The following ZNF451 variants were observed in gnomAD, a reference collection of about 807,000 sequenced individuals.
ZNF451 encodes the protein zinc finger protein 451.
Under a neutral mutation model 107.1 loss-of-function variants are expected in ZNF451, and 80 were observed. That is an observed-to-expected ratio of 0.75 (90% CI 0.62 to 0.90). ZNF451 has a LOEUF of 0.90. Among genes scored for constraint, ZNF451 ranks in the 40% least tolerant of loss-of-function variants. The pLI, the probability that ZNF451 is intolerant of heterozygous loss-of-function variation, is 0.00. For synonymous variants in ZNF451, 362 were observed against 406.5 expected (o/e 0.89, Z 1.32); for missense variants, 1,107 against 1,236.2 (o/e 0.90, Z 1.57).
chr6:57,155,578 CT>C (rs1021672555), intron 13 of ZNF451, among the ~76,000 whole-genome samples: 5 of 152,156 alleles, frequency 3.3e-5, no homozygotes, highest in African/African-American at 7.2e-5. Context: ...AAAGTTTTAC[CT>C]TTGCCGCACA....
intron 8 of ZNF451, 70 bp downstream of exon 8, chr6:57,141,525 A>G (rs551694239): frequency 2.9e-6 from 4 of 1,380,830 alleles, no homozygotes; most frequent in Non-Finnish European, 3.9e-6. Flanking sequence ...TACTTCTCAG[A>G]TCATTCTTGA....
At chr6:57,139,520 T>C (rs1831645900) in intron 7 of ZNF451, among the ~76,000 whole-genome samples, 1 of 152,218 alleles carries the variant, frequency 6.6e-6, no homozygotes, top group African/African-American at 2.4e-5. Flanking sequence ...CTGATGGTTC[T>C]AGTGTTAATG....
chr6:57,134,913 G>C, intron 7 of ZNF451, 43 bp downstream of exon 7: 1 of 1,548,304 alleles, frequency 6.5e-7, no homozygotes, highest in Non-Finnish European at 8.8e-7. Context: ...TTTCTAGATA[G>C]CCATGGAGTT....
At chr6:57,139,474 T>A (rs1257564429) in intron 7 of ZNF451, among the ~76,000 whole-genome samples, 3 of 152,196 alleles carry the variant, frequency 2.0e-5, no homozygotes, top group African/African-American at 7.2e-5. Flanking sequence ...TTTATCTCTC[T>A]TCTGGTTGCA....
At chr6:57,107,196 G>A in intron 3 of ZNF451, 1 of 985,286 alleles carries the variant, frequency 1.0e-6, no homozygotes, top group Non-Finnish European at 1.2e-6. Context: ...GTTATTCTAT[G>A]TATTGATCTT....
chr6:57,115,785 T>C (rs1830337515), intron 3 of ZNF451, among the ~76,000 whole-genome samples: 1 of 152,132 alleles, frequency 6.6e-6, no homozygotes, highest in Non-Finnish European at 1.5e-5. Flanking sequence ...TTCCTGTGCT[T>C]CTCCCCAACA....
intron 2 of ZNF451, chr6:57,091,580 T>G (rs147937227): frequency 0.012 from 1,851 of 153,288 alleles, 20 homozygotes; most frequent in African/African-American, 0.014. Context: ...GCACACTTTG[T>G]ACAGCATGGG....
intron 13 of ZNF451, 111 bp from the exon 14 acceptor site, chr6:57,160,973 A>G (rs2127987647): frequency 1.7e-6 from 1 of 578,464 alleles, no homozygotes; most frequent in East Asian, 3.1e-5. Context: ...GTGTAACACT[A>G]ATGAACTGTA....
At chr6:57,136,201 G>C (rs1399173347) in intron 7 of ZNF451, among the ~76,000 whole-genome samples, 3 of 151,990 alleles carry the variant, frequency 2.0e-5, no homozygotes, top group Non-Finnish European at 4.4e-5. Flanking sequence ...ATAGTAACAT[G>C]ATCATAAAGA....
intron 5 of ZNF451, among the ~76,000 whole-genome samples, chr6:57,129,478 A>T (rs1268964810): frequency 6.6e-6 from 1 of 152,202 alleles, no homozygotes; most frequent in Non-Finnish European, 1.5e-5. Flanking sequence ...AAGAGTTAGG[A>T]TATCCACAGA....
chr6:57,091,823 T>C (rs1323996306), intron 2 of ZNF451, among the ~76,000 whole-genome samples: 3 of 152,222 alleles, frequency 2.0e-5, no homozygotes, highest in South Asian at 4.1e-4. Flanking sequence ...CTGGGAAACC[T>C]TGTAAAATTG....
At chr6:57,158,950 G>A (rs992528943) in intron 13 of ZNF451, 2 of 985,290 alleles carry the variant, frequency 2.0e-6, no homozygotes, top group African/African-American at 3.5e-5. Context: ...ATTCACCTAG[G>A]TGCTATGGAA....
chr6:57,104,481 A>T, intron 3 of ZNF451: 1 of 985,176 alleles, frequency 1.0e-6, no homozygotes. Flanking sequence ...TTTTTGAAAT[A>T]CTCTTATTTC....
chr6:57,135,486 C>T (rs180852045), intron 7 of ZNF451, among the ~76,000 whole-genome samples: 39 of 152,032 alleles, frequency 2.6e-4, no homozygotes, highest in African/African-American at 8.4e-4. Flanking sequence ...AAGAAGTCAT[C>T]CTTAATCTCA....
At chr6:57,128,664 C>A in intron 4 of ZNF451, 65 bp from the exon 5 acceptor site, 1 of 1,100,482 alleles carries the variant, frequency 9.1e-7, no homozygotes, top group South Asian at 1.4e-5. Flanking sequence ...ACTAATGTGT[C>A]AAAATCCTTT....
At chr6:57,145,800 T>C (rs1332001983) in intron 9 of ZNF451, among the ~76,000 whole-genome samples, 1 of 152,114 alleles carries the variant, frequency 6.6e-6, no homozygotes, top group East Asian at 1.9e-4. Flanking sequence ...GCTTACTTTT[T>C]CTTAAGGTAG....
intron 3 of ZNF451, chr6:57,102,752 C>T (rs1049962195): frequency 1.0e-5 from 10 of 985,258 alleles, no homozygotes; most frequent in African/African-American, 8.7e-5. Flanking sequence ...GGCTAGATGT[C>T]GCAGGTCTAT....
intron 14 of ZNF451, 119 bp downstream of exon 14, chr6:57,161,271 T>A: frequency 1.8e-6 from 1 of 549,406 alleles, no homozygotes; most frequent in Non-Finnish European, 3.1e-6. Flanking sequence ...TTAAAACATT[T>A]TCTCAGTTTG....
intron 3 of ZNF451, chr6:57,116,636 A>T (rs561169915): frequency 6.6e-6 from 1 of 152,288 alleles, no homozygotes; most frequent in Admixed American, 6.5e-5. Context: ...TCTTTCTTTA[A>T]TATACCCGTT....
Sources: gnomAD v4.1 joint callset for allele counts (sites outside exome capture counted in the v4.1 genomes callset) on GRCh38, gnomAD v4.1.1 for gene constraint, MANE v1.5 for transcripts, NCBI Gene and HGNC (gene_info 2026-07-23, HGNC 2026-07-21) for gene names.